The following SEMA5A variants were observed in gnomAD, a reference collection of about 807,000 sequenced individuals.
SEMA5A encodes the protein semaphorin 5A.
A neutral mutation model predicts 135.5 loss-of-function variants in SEMA5A; 55 were observed. The observed-to-expected ratio is 0.41, with a 90% CI of 0.33 to 0.51. The LOEUF (loss-of-function observed/expected upper bound fraction) is 0.51. Among genes scored for constraint, SEMA5A ranks in the 20% least tolerant of loss-of-function variants. The probability of loss-of-function intolerance (pLI) is 0.37; values close to 1 mark genes in which losing one functional copy is unlikely to be tolerated. For synonymous variants in SEMA5A, 580 were observed against 546.5 expected (o/e 1.06, Z -0.85); for missense variants, 1,290 against 1,419.9 (o/e 0.91, Z 1.47).
At position 9,151,600 on chromosome 5, in the gene SEMA5A, A is replaced by G. The variant is rs552768241; in HGVS notation, c.1481+2888T>C. The stretch of plus-strand genomic sequence containing the variant: ...TTCTTTTCTCCATGGAATGTTAACT[A>G]GGGAGGGTTTCCTATCTTTCTACAG... On this transcript the variant is annotated intron_variant, in intron 12 of 22. Coordinates refer to ENST00000382496, the MANE Select transcript of SEMA5A (RefSeq NM_003966.3). Among the ~76,000 whole-genome samples, 3 of 152,236 alleles carry G rather than the reference A, an allele frequency of 2.0e-5. No individual in the cohort carries two copies. In the East Asian group the frequency reaches 5.8e-4, roughly 29 times the overall value.
intron 5 of SEMA5A, among the ~76,000 whole-genome samples, chr5:9,308,388 A>G (rs1296392057): frequency 6.6e-6 from 1 of 152,098 alleles, no homozygotes; most frequent in African/African-American, 2.4e-5. Context: ...CTTGCCTCAA[A>G]TGGGATTAAC....
chr5:9,238,703 T>C (rs2150455101), intron 5 of SEMA5A, among the ~76,000 whole-genome samples: 2 of 152,066 alleles, frequency 1.3e-5, no homozygotes, highest in East Asian at 3.9e-4. Flanking sequence ...CTGGGCTTTT[T>C]TTTTTTCTCT....
At chr5:9,375,150 GT>G (rs1178550801) in intron 3 of SEMA5A, among the ~76,000 whole-genome samples, 2 of 152,002 alleles carry the variant, frequency 1.3e-5, no homozygotes, top group Admixed American at 6.6e-5. Context: ...TCACCATCTG[GT>G]TTCTTCCCCC....
At chr5:9,125,298 GGAGCTGCACCATCTGTTA>G (rs2150192394) in intron 13 of SEMA5A, among the ~76,000 whole-genome samples, 1 of 152,298 alleles carries the variant, frequency 6.6e-6, no homozygotes, top group Non-Finnish European at 1.5e-5. Context: ...CGGACGGAAT[GGAGCTGCACCATCTGTTA>G]GAGCAATTCT....
chr5:9,213,558 G>A (rs1181611648), intron 8 of SEMA5A, among the ~76,000 whole-genome samples: 1 of 152,190 alleles, frequency 6.6e-6, no homozygotes, highest in East Asian at 1.9e-4. Context: ...GTTGTCTGGG[G>A]GAAGAGCTTT....
chr5:9,380,126 G>A (rs1433624766), intron 2 of SEMA5A, 103 bp from the exon 3 acceptor site: 36 of 727,944 alleles, frequency 4.9e-5, no homozygotes, highest in Non-Finnish European at 7.6e-5. Flanking sequence ...ACACTTTGTG[G>A]AGATAGAGGA....
intron 16 of SEMA5A, among the ~76,000 whole-genome samples, chr5:9,096,904 G>A (rs115595530): frequency 2.0e-5 from 3 of 152,126 alleles, no homozygotes; most frequent in Middle Eastern, 3.4e-3. Flanking sequence ...GTCACCTTAC[G>A]CCTGTTAGGA....
intron 10 of SEMA5A, among the ~76,000 whole-genome samples, chr5:9,190,736 G>A (rs1352841500): frequency 1.3e-5 from 2 of 152,152 alleles, no homozygotes; most frequent in African/African-American, 4.8e-5. Context: ...TAAAGTGGGA[G>A]TGATTGCTAA....
At chr5:9,494,026 T>G (rs1053525249) in intron 1 of SEMA5A, among the ~76,000 whole-genome samples, 1 of 152,182 alleles carries the variant, frequency 6.6e-6, no homozygotes, top group Non-Finnish European at 1.5e-5. Flanking sequence ...ATATTTTATA[T>G]AAATTCTTAT....
intron 9 of SEMA5A, among the ~76,000 whole-genome samples, chr5:9,198,794 G>A (rs1341097002): frequency 6.6e-6 from 1 of 152,136 alleles, no homozygotes; most frequent in African/African-American, 2.4e-5. Flanking sequence ...ACTTTAATAA[G>A]GACAAGAAAA....
chr5:9,344,182 T>A (rs1051865109), intron 3 of SEMA5A, among the ~76,000 whole-genome samples: 9 of 152,228 alleles, frequency 5.9e-5, no homozygotes, highest in Non-Finnish European at 1.2e-4. Flanking sequence ...CTTTTACATA[T>A]TAACTATTTT....
intron 9 of SEMA5A, among the ~76,000 whole-genome samples, chr5:9,201,572 C>T (rs1482266937): frequency 2.6e-5 from 4 of 152,144 alleles, no homozygotes; most frequent in African/African-American, 9.7e-5. Context: ...CTCCAGGCAA[C>T]ACTATTTTCA....
chr5:9,339,779 A>G (rs1753562441), intron 3 of SEMA5A, among the ~76,000 whole-genome samples: 1 of 152,124 alleles, frequency 6.6e-6, no homozygotes, highest in African/African-American at 2.4e-5. Context: ...TTTCAGGAAA[A>G]CTCTTGACCC....
At chr5:9,212,330 AAAGTT>A (rs1316728802) in intron 8 of SEMA5A, among the ~76,000 whole-genome samples, 1 of 152,258 alleles carries the variant, frequency 6.6e-6, no homozygotes, top group Non-Finnish European at 1.5e-5. Flanking sequence ...TAATCATTTC[AAAGTT>A]ATTAACGATT....
intron 1 of SEMA5A, among the ~76,000 whole-genome samples, chr5:9,527,740 G>A (rs185949152): frequency 4.6e-5 from 7 of 152,262 alleles, no homozygotes; most frequent in Admixed American, 2.0e-4. Context: ...AGGAACTATT[G>A]CTATCATTTT....
intron 3 of SEMA5A, among the ~76,000 whole-genome samples, chr5:9,346,953 TA>T (rs1753904368): frequency 4.0e-5 from 6 of 151,896 alleles, no homozygotes. Context: ...TGTATTCAAA[TA>T]GATATTATAG....
intron 5 of SEMA5A, among the ~76,000 whole-genome samples, chr5:9,299,060 A>G (rs1277031660): frequency 1.3e-5 from 2 of 152,120 alleles, no homozygotes; most frequent in Non-Finnish European, 2.9e-5. Flanking sequence ...AAGCAGAGTG[A>G]GTTAGATTTG....
At chr5:9,147,283 CTTTTCT>C (rs964170929) in intron 12 of SEMA5A, among the ~76,000 whole-genome samples, 7 of 152,084 alleles carry the variant, frequency 4.6e-5, no homozygotes, top group East Asian at 1.9e-4. Flanking sequence ...TGTCTTTTTC[CTTTTCT>C]TTTTCTTTTT....
chr5:9,098,518 A>C (rs1163173092), intron 16 of SEMA5A, among the ~76,000 whole-genome samples: 1 of 152,190 alleles, frequency 6.6e-6, no homozygotes, highest in African/African-American at 2.4e-5. Context: ...TTGGAAAAGA[A>C]TATTGTCTGA....
Sources: allele counts gnomAD v4.1 joint callset (sites outside exome capture counted in the v4.1 genomes callset), GRCh38; gene constraint gnomAD v4.1.1; transcripts MANE v1.5; gene names NCBI Gene and HGNC (gene_info 2026-07-23, HGNC 2026-07-21).